The following RBFOX1 variants were observed in gnomAD, a reference collection of about 807,000 sequenced individuals.
RBFOX1 encodes the protein RNA binding fox-1 homolog 1, also known as RNA binding protein fox-1 homolog 1.
RBFOX1 carries 8 observed loss-of-function variants against 57.7 expected under a neutral mutation model. The ratio of observed to expected loss-of-function variants is 0.14; its 90% CI spans 0.08 to 0.25. The LOEUF (loss-of-function observed/expected upper bound fraction) is 0.25. RBFOX1 is among the 10% of genes least tolerant of loss of function. The pLI is 1.00. For synonymous variants in RBFOX1, 326 were observed against 222.4 expected, an observed-to-expected ratio of 1.47 and a Z score of -4.15; for missense variants, 611 against 548.5, an observed-to-expected ratio of 1.11 and a Z score of -1.14.
At chr16:5,930,640 G>C (rs867874024) in intron 4 of RBFOX1, among the ~76,000 whole-genome samples, 1 of 124,504 alleles carries the variant, frequency 8.0e-6, no homozygotes, top group Non-Finnish European at 1.7e-5. Flanking sequence ...CTGGATGCAT[G>C]GTTGGGTAGG....
At chr16:7,184,749 C>G (rs946834719) in intron 4 of RBFOX1, among the ~76,000 whole-genome samples, 1 of 152,164 alleles carries the variant, frequency 6.6e-6, no homozygotes, top group Non-Finnish European at 1.5e-5. Context: ...ACAGGTAGAA[C>G]TTGAGCTTTT....
intron 4 of RBFOX1, among the ~76,000 whole-genome samples, chr16:7,361,037 C>A (rs2097310313): frequency 1.3e-5 from 2 of 152,202 alleles, no homozygotes; most frequent in African/African-American, 4.8e-5. Context: ...AGGAAGCTGG[C>A]TTTGTGGCGT....
At chr16:7,482,119 C>A (rs761244123) in intron 4 of RBFOX1, among the ~76,000 whole-genome samples, 1 of 152,202 alleles carries the variant, frequency 6.6e-6, no homozygotes, top group Non-Finnish European at 1.5e-5. Flanking sequence ...AACAAGTCCT[C>A]CTGCTCTATA....
At chr16:6,893,596 T>C (rs941963708) in intron 3 of RBFOX1, among the ~76,000 whole-genome samples, 9 of 152,118 alleles carry the variant, frequency 5.9e-5, no homozygotes, top group Non-Finnish European at 1.0e-4. Context: ...GAATCTCCTC[T>C]CCAGTTTTTA....
intron 2 of RBFOX1, among the ~76,000 whole-genome samples, chr16:6,541,619 T>A (rs186111552): frequency 6.6e-6 from 1 of 152,222 alleles, no homozygotes; most frequent in African/African-American, 2.4e-5. Context: ...ATATGACTTA[T>A]GTTTTAAAAA....
chr16:5,716,046 A>T (rs1160146380), intron 3 of RBFOX1, among the ~76,000 whole-genome samples: 2 of 152,254 alleles, frequency 1.3e-5, no homozygotes, highest in Non-Finnish European at 2.9e-5. Context: ...ATAATATTTT[A>T]AAATCACCAT....
chr16:6,344,394 T>TC (rs1382075245), intron 2 of RBFOX1, among the ~76,000 whole-genome samples: 2 of 89,766 alleles, frequency 2.2e-5, no homozygotes, highest in African/African-American at 1.9e-4. Context: ...TCTTCTTCTT[T>TC]TTTCTTTTTT....
chr16:6,584,091 A>G (rs993636834), intron 2 of RBFOX1, among the ~76,000 whole-genome samples: 1 of 151,828 alleles, frequency 6.6e-6, no homozygotes, highest in African/African-American at 2.4e-5. Flanking sequence ...CTGAAAGACC[A>G]TTCAGAAAGA....
intron 4 of RBFOX1, among the ~76,000 whole-genome samples, chr16:7,072,448 A>T (rs553032222): frequency 6.6e-6 from 1 of 152,296 alleles, no homozygotes; most frequent in African/African-American, 2.4e-5. Flanking sequence ...GGGTAAGAGA[A>T]TGCTTATTTT....
intron 1 of RBFOX1, among the ~76,000 whole-genome samples, chr16:5,351,108 A>C (rs2065253121): frequency 6.6e-6 from 1 of 152,140 alleles, no homozygotes; most frequent in Non-Finnish European, 1.5e-5. Context: ...AAGCCTTGTT[A>C]AGGATGTGTC....
chr16:7,309,155 G>C (rs1416112038), intron 4 of RBFOX1, among the ~76,000 whole-genome samples: 2 of 152,208 alleles, frequency 1.3e-5, no homozygotes, highest in Admixed American at 6.5e-5. Flanking sequence ...TCTTTCTAGA[G>C]GGATGTCTTA....
intron 1 of RBFOX1, among the ~76,000 whole-genome samples, chr16:5,242,748 G>A (rs535469805): frequency 8.5e-4 from 130 of 152,204 alleles, no homozygotes; most frequent in Non-Finnish European, 1.0e-3. Context: ...GCATTCAGAT[G>A]CTTTTAAGGA....
At chr16:6,575,621 G>A (rs1285962914) in intron 2 of RBFOX1, among the ~76,000 whole-genome samples, 1 of 152,114 alleles carries the variant, frequency 6.6e-6, no homozygotes, top group African/African-American at 2.4e-5. Context: ...ACTTTGGGAG[G>A]CCACGGTGGG....
At chr16:6,223,918 A>G (rs554316099) in intron 1 of RBFOX1, among the ~76,000 whole-genome samples, 2 of 152,270 alleles carry the variant, frequency 1.3e-5, no homozygotes, top group African/African-American at 2.4e-5. Flanking sequence ...CTTTCTCCAT[A>G]TGGCTAGCCA....
At chr16:5,758,336 C>T (rs536951665) in intron 3 of RBFOX1, among the ~76,000 whole-genome samples, 18 of 152,148 alleles carry the variant, frequency 1.2e-4, no homozygotes, top group Non-Finnish European at 2.6e-4. Flanking sequence ...AACAGTAGTG[C>T]CATAATTGGA....
rs75553041 is a variant in RBFOX1 at position 7,617,485 on chromosome 16, C to T, written c.676+10147C>T. On this transcript the variant is annotated intron_variant, in intron 10 of 15. Coordinates refer to ENST00000550418, the MANE Select transcript of RBFOX1 (RefSeq NM_018723.4). ...TTGAAGAGCTCAGCGGTAATAAAGC[C>T]ACCAGTTTAAGCCCTTGAGAGTTTT... Among the ~76,000 whole-genome samples, 607 of 152,196 alleles carry T rather than the reference C, an allele frequency of 4.0e-3. 2 individuals carry two copies. Among genetic ancestry groups the T allele is most frequent in the African/African-American group, 0.014 (588 of 41,518 alleles).
At chr16:7,456,726 T>A (rs1181235421) in intron 4 of RBFOX1, among the ~76,000 whole-genome samples, 1 of 152,104 alleles carries the variant, frequency 6.6e-6, no homozygotes, top group African/African-American at 2.4e-5. Context: ...GCCCGTAGAA[T>A]CGCCACCTAT....
intron 3 of RBFOX1, among the ~76,000 whole-genome samples, chr16:5,629,035 C>G (rs1226037436): frequency 1.3e-5 from 2 of 152,040 alleles, no homozygotes; most frequent in African/African-American, 4.8e-5. Context: ...CCCCAAGCAC[C>G]CATCGTAGGG....
intron 3 of RBFOX1, among the ~76,000 whole-genome samples, chr16:5,854,066 G>C (rs1471957154): frequency 6.6e-6 from 1 of 152,146 alleles, no homozygotes; most frequent in Admixed American, 6.5e-5. Context: ...TGACAAAGAA[G>C]AACTGTATTC....
Sources: allele counts gnomAD v4.1 joint callset (sites outside exome capture counted in the v4.1 genomes callset), GRCh38; gene constraint gnomAD v4.1.1; transcripts MANE v1.5; gene names NCBI Gene and HGNC (gene_info 2026-07-23, HGNC 2026-07-21).